CNTNAP5: variants seen among roughly 807,000 people sequenced by gnomAD.
CNTNAP5 encodes the protein contactin associated protein family member 5, also known as contactin-associated protein-like 5.
In CNTNAP5, 72 loss-of-function variants were observed where a neutral mutation model predicts 150.2. The observed-to-expected ratio is 0.48, with a 90% CI of 0.40 to 0.58. The LOEUF (loss-of-function observed/expected upper bound fraction) is 0.58. CNTNAP5 is among the 20% of genes least tolerant of loss of function. The pLI is 0.00. For missense variants in CNTNAP5, 1,636 were observed against 1,626.2 expected, an observed-to-expected ratio of 1.01 and a Z score of -0.10; for synonymous variants, 672 against 619.8, an observed-to-expected ratio of 1.08 and a Z score of -1.25.
chr2:124,479,133 C>T (rs1287906902), intron 7 of CNTNAP5, among the ~76,000 whole-genome samples: 1 of 152,146 alleles, frequency 6.6e-6, no homozygotes, highest in African/African-American at 2.4e-5. Flanking sequence ...ACTATTCTTC[C>T]TCAAATCCTT....
intron 11 of CNTNAP5, among the ~76,000 whole-genome samples, chr2:124,592,373 A>G (rs920355801): frequency 1.8e-5 from 2 of 111,694 alleles, no homozygotes; most frequent in Non-Finnish European, 3.7e-5. Context: ...GTGTATATAT[A>G]TATGTGTGTG....
chr2:124,180,193 A>G (rs188189309), intron 1 of CNTNAP5, among the ~76,000 whole-genome samples: 7 of 152,318 alleles, frequency 4.6e-5, no homozygotes, highest in African/African-American at 1.7e-4. Flanking sequence ...AAGAGCCTGC[A>G]TGGCTGAGAT....
rs954549907 is a variant in CNTNAP5 at position 124,680,200 on chromosome 2, C to T, written c.2077+32242C>T. On this transcript the variant is annotated intron_variant, in intron 13 of 23. Coordinates refer to ENST00000682447, the MANE Select transcript of CNTNAP5 (RefSeq NM_001367498.1). Reference sequence around the variant, plus strand: ...ATCCCTCAAGGTTCAGCATAAATGTCATGTACTCTGGAAGGTCTTCTTGAA... The same window carrying T: ...ATCCCTCAAGGTTCAGCATAAATGTTATGTACTCTGGAAGGTCTTCTTGAA... Among the ~76,000 whole-genome samples, 3 of 151,816 alleles carry T rather than the reference C, an allele frequency of 2.0e-5. No individual in the cohort carries two copies. The East Asian group carries it at 5.8e-4, about 29-fold the overall frequency.
Position 124,417,587 on chromosome 2 carries a change from T to G in CNTNAP5, c.526T>G (p.Tyr176Asp). Reference sequence around the variant, plus strand: ...GAGAGTCGAGGTCTACGGATGTTCCTATAGTAAGTACTCACATGTACCCTT... The same window carrying G: ...GAGAGTCGAGGTCTACGGATGTTCCGATAGTAAGTACTCACATGTACCCTT... ...GMRVEVYGCSYKSDVADFDGR... is the reference protein window; with the variant it reads ...GMRVEVYGCSDKSDVADFDGR... The change falls in exon 4 of 24, where the codon TAT (tyrosine) becomes GAT (aspartate). Residue 176 changes from tyrosine (Y) to aspartate (D), a missense_variant. Tyr to Asp is a radical substitution (Grantham distance 160). Coordinates refer to ENST00000682447, the MANE Select transcript of CNTNAP5 (RefSeq NM_001367498.1). 6.2e-7 allele frequency: 1 copy of G among 1,612,846 alleles called. No individual in the cohort carries two copies. The highest frequency in any genetic ancestry group is 8.5e-7 in the Non-Finnish European group (1 of 1,179,376).
At chr2:124,799,708 T>C (rs567589351) in intron 19 of CNTNAP5, among the ~76,000 whole-genome samples, 1 of 152,348 alleles carries the variant, frequency 6.6e-6, no homozygotes. Flanking sequence ...TTCCAGCTAT[T>C]TACAGCATCA....
intron 11 of CNTNAP5, among the ~76,000 whole-genome samples, chr2:124,601,663 C>T (rs1377490229): frequency 4.7e-5 from 7 of 150,306 alleles, no homozygotes; most frequent in Admixed American, 6.7e-5. Context: ...TCAAGCATCA[C>T]GTGCTATTAG....
chr2:124,707,204 G>T lies in CNTNAP5; in HGVS notation c.2078-40025G>T, dbSNP rs138251447. 2.6e-4 allele frequency among the ~76,000 whole-genome samples: 37 copies of T among 142,710 alleles called. 1 individual carries two copies. Among genetic ancestry groups the T allele is most frequent in the Admixed American group, 3.5e-4 (5 of 14,158 alleles). The allele number at this position is 142,710 out of a possible 152,430, so 93.6% of individuals were successfully genotyped here. On this transcript the variant is annotated intron_variant, in intron 13 of 23. Transcript: ENST00000682447. ...AGAAGAAGAAGAAGAAGAAGAAGAAGAATAAACAACTTGGGATCATTCACT... is the reference window on the plus strand; with the variant it reads ...AGAAGAAGAAGAAGAAGAAGAAGAATAATAAACAACTTGGGATCATTCACT...
chr2:124,088,832 G>A (rs954596209), intron 1 of CNTNAP5, among the ~76,000 whole-genome samples: 1 of 152,136 alleles, frequency 6.6e-6, no homozygotes, highest in Non-Finnish European at 1.5e-5. Context: ...CCACTCAAGT[G>A]CATCTTGATA....
At chr2:124,107,142 G>T (rs1683186911) in intron 1 of CNTNAP5, among the ~76,000 whole-genome samples, 1 of 152,156 alleles carries the variant, frequency 6.6e-6, no homozygotes, top group Non-Finnish European at 1.5e-5. Flanking sequence ...CTGTTGTGCA[G>T]TGATTACCTT....
intron 3 of CNTNAP5, among the ~76,000 whole-genome samples, chr2:124,263,545 T>C (rs1423999564): frequency 6.6e-6 from 1 of 152,216 alleles, no homozygotes; most frequent in East Asian, 1.9e-4. Context: ...ATTCTGGATG[T>C]TAGCCCTTTG....
At chr2:124,562,653 A>G (rs1345034107) in intron 10 of CNTNAP5, among the ~76,000 whole-genome samples, 2 of 152,182 alleles carry the variant, frequency 1.3e-5, no homozygotes, top group Non-Finnish European at 2.9e-5. Context: ...TAAGTAGTGA[A>G]GCCTTTGTTT....
At chr2:124,731,759 A>G (rs1680276902) in intron 13 of CNTNAP5, among the ~76,000 whole-genome samples, 1 of 151,226 alleles carries the variant, frequency 6.6e-6, no homozygotes. Flanking sequence ...TGTGTATATG[A>G]GTGTGTGTTT....
At chr2:124,694,083 G>T (rs955985954) in intron 13 of CNTNAP5, among the ~76,000 whole-genome samples, 2 of 152,130 alleles carry the variant, frequency 1.3e-5, no homozygotes, top group Non-Finnish European at 2.9e-5. Flanking sequence ...TCATTGCTGA[G>T]TTGGCACAGC....
intron 21 of CNTNAP5, among the ~76,000 whole-genome samples, chr2:124,887,708 G>A (rs1187852869): frequency 6.6e-6 from 1 of 152,052 alleles, no homozygotes; most frequent in African/African-American, 2.4e-5. Context: ...AAACTTGGCA[G>A]AAAAGAAACT....
intron 3 of CNTNAP5, among the ~76,000 whole-genome samples, chr2:124,383,513 A>G (rs1056637612): frequency 1.3e-5 from 2 of 152,192 alleles, no homozygotes; most frequent in South Asian, 2.1e-4. Flanking sequence ...ACAGCCCCAT[A>G]CACTCTGGTA....
chr2:124,338,296 A>G (rs896380289), intron 3 of CNTNAP5, among the ~76,000 whole-genome samples: 1 of 152,168 alleles, frequency 6.6e-6, no homozygotes, highest in Non-Finnish European at 1.5e-5. Context: ...TAGATAAACA[A>G]TCATGTCATC....
rs1393728820 is a variant in CNTNAP5, at chr2:124,206,686, G to C, written c.83-15019G>C. On this transcript the variant is annotated intron_variant, in intron 1 of 23. Transcript: ENST00000682447. The stretch of plus-strand genomic sequence containing the variant: ...GGCCAGCGGCATCAGAGGCACCTAG[G>C]AGCTTGAACCTAAATTATAATCTAC... 3.9e-5 allele frequency among the ~76,000 whole-genome samples: 6 copies of C among 152,290 alleles called. No homozygotes were observed. The South Asian group carries it at 1.2e-3, about 32-fold the overall frequency.
intron 1 of CNTNAP5, among the ~76,000 whole-genome samples, chr2:124,085,838 A>G (rs899369485): frequency 5.3e-5 from 8 of 152,184 alleles, no homozygotes; most frequent in Non-Finnish European, 2.9e-5. Context: ...AATCTGTGAT[A>G]TTCTATTTCC....
At chr2:124,083,909 T>G (rs1682618493) in intron 1 of CNTNAP5, among the ~76,000 whole-genome samples, 1 of 152,130 alleles carries the variant, frequency 6.6e-6, no homozygotes, top group Admixed American at 6.5e-5. Context: ...GTGAAATAAT[T>G]GAATACAAAA....
Sources: gnomAD v4.1 joint callset for allele counts (sites outside exome capture counted in the v4.1 genomes callset) on GRCh38, gnomAD v4.1.1 for gene constraint, MANE v1.5 for transcripts, NCBI Gene and HGNC (gene_info 2026-07-23, HGNC 2026-07-21) for gene names.